Variants in ZNF619 observed in about 807,000 individuals in gnomAD.
ZNF619 encodes zinc finger protein 619.
In ZNF619, 9 loss-of-function variants were observed where a neutral mutation model predicts 14.2. The observed-to-expected ratio is 0.64, with a 90% CI of 0.38 to 1.11. ZNF619 has a LOEUF of 1.11. ZNF619 is among the 50% of genes least tolerant of loss of function. The pLI is 0.01. For synonymous variants in ZNF619, 246 were observed against 252.8 expected, an observed-to-expected ratio of 0.97 and a Z score of 0.26; for missense variants, 659 against 680.1, an observed-to-expected ratio of 0.97 and a Z score of 0.34.
At position 40,490,978 on chromosome 3, in the gene ZNF619, A is replaced by G. The variant is rs1018456602; in HGVS notation, c.*2737A>G. Among the ~76,000 whole-genome samples the G allele has an allele frequency of 6.6e-6, 1 of 152,178 alleles. No homozygotes were observed. The highest frequency in any genetic ancestry group is 2.4e-5 in the African/African-American group (1 of 41,438). On this transcript the variant is annotated 3_prime_UTR_variant, in exon 5 of 5. Coordinates refer to ENST00000432264, the MANE Select transcript of ZNF619 (RefSeq NM_001145093.4). The stretch of plus-strand genomic sequence containing the variant: ...TCCATCATGTTATGACACAGCAAGA[A>G]GGCCAGATACGGCCCCTCCACAGTT...
intron 4 of ZNF619, among the ~76,000 whole-genome samples, chr3:40,485,786 A>C (rs1156670883): frequency 6.6e-6 from 1 of 152,296 alleles, no homozygotes; most frequent in Admixed American, 6.5e-5. Context: ...CAGGCAAAAA[A>C]GGTTTCTATG....
intron 4 of ZNF619, among the ~76,000 whole-genome samples, chr3:40,484,444 A>G (rs968871079): frequency 2.0e-5 from 3 of 152,232 alleles, no homozygotes; most frequent in African/African-American, 4.8e-5. Context: ...TCCTTATTCT[A>G]TGGGCTCTGT....
At position 40,487,976 on chromosome 3, in the gene ZNF619, T is replaced by C. The variant is rs1417468007; in HGVS notation, c.1466T>C (p.Leu489Pro). ...AAGAAACTCATCAATGGAACAGGGC[T>C]ATCCGCAGTTAAGCCCTACTGTCCC... ...TRKKLINGTG[L>P]SAVKPYCPCA... The change falls in exon 5 of 5, where the codon CTA becomes CCA. Residue 489 changes from leucine (L) to proline (P), a missense_variant. Transcript: ENST00000432264. 13 of 1,614,110 alleles carry C rather than the reference T, an allele frequency of 8.1e-6. No individual in the cohort carries two copies. Among genetic ancestry groups the C allele is most frequent in the African/African-American group, 1.3e-5 (1 of 74,946 alleles).
chr3:40,486,694 T>G, intron 4 of ZNF619, 112 bp from the exon 5 acceptor site: 2 of 715,704 alleles, frequency 2.8e-6, no homozygotes, highest in Middle Eastern at 3.6e-4. Context: ...AGAGTGAAAC[T>G]CCACTCAAAA....
chr3:40,488,204 C>G lies in ZNF619; in HGVS notation c.1694C>G (p.Ser565Cys), dbSNP rs752905504. The change falls in exon 5 of 5, where the codon TCC (serine) becomes TGC (cysteine). Residue 565 changes from serine to cysteine, a missense_variant. Transcript: ENST00000432264. Reference sequence around the variant, plus strand: ...GATCTCGCTTTTCCTGGGAAGTCATCCCTTCAGAGCCCGAATCCTTTGTCT... The same window carrying G: ...GATCTCGCTTTTCCTGGGAAGTCATGCCTTCAGAGCCCGAATCCTTTGTCT... ...FQDLAFPGKS[S>C]LQSPNPLSHS... 1 of 1,600,568 alleles carries G rather than the reference C, an allele frequency of 6.2e-7. No individual in the cohort carries two copies. The highest frequency in any genetic ancestry group is 2.2e-5 in the East Asian group (1 of 44,826).
chr3:40,486,700 C>CA (rs397971237), intron 4 of ZNF619, 106 bp from the exon 5 acceptor site: 209,450 of 705,878 alleles, frequency 0.3, 7,744 homozygotes, highest in East Asian at 0.39. Context: ...AAACTCCACT[C>CA]AAAAAAAAAA....
rs182788143 is a variant in ZNF619, at chr3:40,486,650, G to A, written c.296-156G>A. On this transcript the variant is annotated intron_variant, in intron 4 of 4. Coordinates refer to ENST00000432264, the MANE Select transcript of ZNF619 (RefSeq NM_001145093.4). The stretch of plus-strand genomic sequence containing the variant: ...TGGGATGCGGAGGTTGTGGTGAGCC[G>A]AGATCATGCCATTGCACTCCAGCCT... Among the ~76,000 whole-genome samples, 728 of 150,436 alleles carry A rather than the reference G, an allele frequency of 4.8e-3. 4 individuals are homozygous for A. The highest frequency in any genetic ancestry group is 0.017 in the African/African-American group (688 of 40,912).
Position 40,488,263 on chromosome 3 carries a change from C to T in ZNF619, c.*22C>T, listed in dbSNP as rs539086718. On this transcript the variant is annotated 3_prime_UTR_variant, in exon 5 of 5. Coordinates refer to ENST00000432264, the MANE Select transcript of ZNF619 (RefSeq NM_001145093.4). ...GTAAGCCCCGTCACGTTCTCAAAAT[C>T]CTTTGCACCTCAAGTTAGGGATTCC... is the stretch of plus-strand genomic sequence containing the variant. The T allele has an allele frequency of 3.6e-5, 44 of 1,208,292 alleles. No homozygotes were observed. In the East Asian group the frequency reaches 9.5e-4, roughly 26 times the overall value. The allele number at this position is 1,208,292 out of a possible 1,614,324, so 74.8% of individuals were successfully genotyped here. A position where few individuals can be genotyped will look rare whatever the true frequency, so the allele number is the denominator to read the frequency against.
chr3:40,487,493 G>A lies in ZNF619; in HGVS notation c.983G>A (p.Ser328Asn). The change falls in exon 5 of 5, where the codon AGC becomes AAC. Residue 328 changes from serine (S) to asparagine (N), a missense_variant. Ser to Asn is a conservative substitution (Grantham distance 46). Coordinates refer to ENST00000432264, the MANE Select transcript of ZNF619 (RefSeq NM_001145093.4). ...GAATGTGGGAAAGCCTTCAGTTGTA[G>A]CTATGACTGCATCATCCATGAACGA... ...CKECGKAFSC[S>N]YDCIIHERIH... is the part of the protein sequence containing the mutation. 4 of 1,613,996 alleles carry A rather than the reference G, an allele frequency of 2.5e-6. No homozygotes were observed. The highest frequency in any genetic ancestry group is 1.7e-5 in the Admixed American group (1 of 60,002).
chr3:40,485,168 C>T (rs954675708), intron 4 of ZNF619, among the ~76,000 whole-genome samples: 3 of 152,158 alleles, frequency 2.0e-5, no homozygotes, highest in African/African-American at 2.4e-5. Context: ...CTGTTCTTGA[C>T]AATCTAGAAC....
chr3:40,484,542 A>G (rs1697516291), intron 4 of ZNF619, among the ~76,000 whole-genome samples: 1 of 152,122 alleles, frequency 6.6e-6, no homozygotes, highest in Non-Finnish European at 1.5e-5. Flanking sequence ...CTTAATCAAT[A>G]CCTTAAATTG....
chr3:40,480,303 A>G (rs1019642620), intron 2 of ZNF619, among the ~76,000 whole-genome samples: 2 of 152,070 alleles, frequency 1.3e-5, no homozygotes, highest in African/African-American at 4.8e-5. Flanking sequence ...CATGCCGGCC[A>G]CCTTTGAACT....
rs1363346772 is a variant in ZNF619, at chr3:40,487,837, C to T, written c.1327C>T (p.Leu443=). Residue 443 remains leucine, a synonymous_variant, in exon 5 of 5, where the codon CTG becomes TTG. Coordinates refer to ENST00000432264, the MANE Select transcript of ZNF619 (RefSeq NM_001145093.4). ...CGKTFSQKIT[L]VQHQRVHTGE... ...GAAGACATTCAGTCAAAAGATCACT[C>T]TGGTTCAGCATCAGCGAGTTCACAC... The T allele has an allele frequency of 8.7e-6, 14 of 1,614,026 alleles. No homozygotes were observed. The highest frequency in any genetic ancestry group is 1.7e-5 in the Admixed American group (1 of 59,990).
chr3:40,477,515 C>T (rs1356848817), intron 1 of ZNF619, among the ~76,000 whole-genome samples, 158 bp downstream of exon 1: 1 of 152,168 alleles, frequency 6.6e-6, no homozygotes, highest in Non-Finnish European at 1.5e-5. Flanking sequence ...ATATTTTGTC[C>T]TGCAGCCTGT....
At position 40,489,669 on chromosome 3, in the gene ZNF619, A is replaced by C. The variant is rs934371563; in HGVS notation, c.*1428A>C. 3 of 152,122 alleles carry C rather than the reference A, an allele frequency of 2.0e-5. No individual in the cohort carries two copies. Among genetic ancestry groups the C allele is most frequent in the African/African-American group, 7.2e-5 (3 of 41,434 alleles). The allele number at this position is 152,122 out of a possible 1,614,324, so 9.4% of individuals were successfully genotyped here. A position where few individuals can be genotyped will look rare whatever the true frequency, so the allele number is the denominator to read the frequency against. ...AGTATAGTAATCTCTAAAGCTGTAC[A>C]TGGATGGAACTTGTTGGCATCACAC... On this transcript the variant is annotated 3_prime_UTR_variant, in exon 5 of 5. Coordinates refer to ENST00000432264, the MANE Select transcript of ZNF619 (RefSeq NM_001145093.4).
At position 40,481,981 on chromosome 3, in the gene ZNF619, T is replaced by G. The variant is rs910247371; in HGVS notation, c.143T>G (p.Val48Gly). The G allele has an allele frequency of 6.2e-7, 1 of 1,606,444 alleles. No individual in the cohort carries two copies. The highest frequency in any genetic ancestry group is 8.5e-7 in the Non-Finnish European group (1 of 1,177,816). ...HPTQRALYRE[V>G]MLENYANVTS... ...ACGCAGAGGGCCCTATACAGGGAGGTGATGCTGGAGAATTATGCAAATGTG... is the reference window on the plus strand; with the variant it reads ...ACGCAGAGGGCCCTATACAGGGAGGGGATGCTGGAGAATTATGCAAATGTG... Residue 48 changes from valine to glycine, a missense_variant, in exon 3 of 5, where the codon GTG becomes GGG. Val to Gly is a moderately radical substitution (Grantham distance 109). Coordinates refer to ENST00000432264, the MANE Select transcript of ZNF619 (RefSeq NM_001145093.4).
At position 40,487,761 on chromosome 3, in the gene ZNF619, G is replaced by C; in HGVS notation, c.1251G>C (p.Val417=). Residue 417 remains valine (V), a synonymous_variant, in exon 5 of 5, where the codon GTG becomes GTC. Coordinates refer to ENST00000432264, the MANE Select transcript of ZNF619 (RefSeq NM_001145093.4). ...KTFSCSSRFI[V]HQRIHNGEKP... ...TCAGCTGTAGCTCCCGCTTCATAGT[G>C]CATCAGAGAATCCACAATGGGGAGA... is the stretch of plus-strand genomic sequence containing the variant. 6.2e-7 allele frequency: 1 copy of C among 1,613,916 alleles called. No homozygotes were observed. Among genetic ancestry groups the C allele is most frequent in the Non-Finnish European group, 8.5e-7 (1 of 1,179,978 alleles).
chr3:40,486,798 C>G lies in ZNF619; in HGVS notation c.296-8C>G. 1 of 1,561,390 alleles carries G rather than the reference C, an allele frequency of 6.4e-7. No homozygotes were observed. The highest frequency in any genetic ancestry group is 8.6e-7 in the Non-Finnish European group (1 of 1,157,696). ...AGGGACTTTTATGTTTTCTTTTTAT[C>G]ATGCTAGGTGGTAAAACCAAGACTG... On this transcript the variant is annotated splice_region_variant and splice_polypyrimidine_tract_variant and intron_variant, in intron 4 of 4. Transcript: ENST00000432264.
chr3:40,482,735 C>T (rs762198140), intron 4 of ZNF619, 31 bp downstream of exon 4: 3 of 1,522,776 alleles, frequency 2.0e-6, no homozygotes, highest in Non-Finnish European at 2.7e-6. Context: ...TCCTCCTTTC[C>T]AGCTTTGCCT....
Sources: allele counts gnomAD v4.1 joint callset (sites outside exome capture counted in the v4.1 genomes callset), GRCh38; gene constraint gnomAD v4.1.1; transcripts MANE v1.5; gene names NCBI Gene and HGNC (gene_info 2026-07-23, HGNC 2026-07-21).